KIAA2012: variants seen among roughly 807,000 people sequenced by gnomAD.
The protein encoded by KIAA2012 is uncharacterized protein KIAA2012.
In KIAA2012, 125 loss-of-function variants were observed where a neutral mutation model predicts 150.6. The ratio of observed to expected loss-of-function variants is 0.83; its 90% CI spans 0.72 to 0.96. The LOEUF (loss-of-function observed/expected upper bound fraction) is 0.96. Among genes scored for constraint, KIAA2012 ranks in the 40% least tolerant of loss-of-function variants. The pLI, the probability that KIAA2012 is intolerant of heterozygous loss-of-function variation, is 0.00. For synonymous variants in KIAA2012, 462 were observed against 504.7 expected (o/e 0.92, Z 1.13); for missense variants, 1,219 against 1,354.9 (o/e 0.90, Z 1.57).
At chr2:202,113,524 C>A in intron 11 of KIAA2012, 78 bp downstream of exon 11, 1 of 994,860 alleles carries the variant, frequency 1.0e-6, no homozygotes, top group Non-Finnish European at 1.5e-6. Context: ...TCCAAATTTT[C>A]CCAGCAGCAG....
Position 202,159,633 on chromosome 2 carries a change from T to C in KIAA2012, c.2046+4823T>C, listed in dbSNP as rs1000015992. ...AAGGCAGGTGGATCACCACCTCAGGTAGTTCGAGACCAGCCTGGCCAACAT... is the reference window on the plus strand; with the variant it reads ...AAGGCAGGTGGATCACCACCTCAGGCAGTTCGAGACCAGCCTGGCCAACAT... On this transcript the variant is annotated intron_variant, in intron 14 of 23. Coordinates refer to ENST00000498697, the MANE Select transcript of KIAA2012 (RefSeq NM_001277372.4). Among the ~76,000 whole-genome samples the C allele has an allele frequency of 2.0e-5, 3 of 152,066 alleles. No homozygotes were observed. The South Asian group carries it at 6.2e-4, about 31-fold the overall frequency.
At chr2:202,161,946 A>G (rs1274640586) in intron 14 of KIAA2012, among the ~76,000 whole-genome samples, 1 of 152,152 alleles carries the variant, frequency 6.6e-6, no homozygotes, top group Non-Finnish European at 1.5e-5. Context: ...AAGTATTATT[A>G]CCTGTTTCCA....
intron 5 of KIAA2012, among the ~76,000 whole-genome samples, chr2:202,099,394 G>C (rs769274441): frequency 4.6e-5 from 7 of 151,904 alleles, no homozygotes; most frequent in African/African-American, 1.7e-4. Flanking sequence ...TATATGTCAG[G>C]CATGGCTAAG....
At chr2:202,143,970 G>A (rs897564258) in intron 13 of KIAA2012, among the ~76,000 whole-genome samples, 1 of 152,210 alleles carries the variant, frequency 6.6e-6, no homozygotes, top group African/African-American at 2.4e-5. Context: ...GAGCCCACTT[G>A]TTTATAGAGC....
At chr2:202,128,266 T>C (rs78110536) in intron 12 of KIAA2012, among the ~76,000 whole-genome samples, 361 of 152,202 alleles carry the variant, frequency 2.4e-3, no homozygotes, top group African/African-American at 8.1e-3. Flanking sequence ...GCAAGCTTTT[T>C]TTCTTTTCTT....
rs554320201 is a variant in KIAA2012 at position 202,203,963 on chromosome 2, G to A, written c.*21-1035G>A. Reference sequence around the variant, plus strand: ...TTTTTATATTTTTAGTAGAGACGGGGTTTCACCATGTTAGCCAGGATGGTC... The same window carrying A: ...TTTTTATATTTTTAGTAGAGACGGGATTTCACCATGTTAGCCAGGATGGTC... On this transcript the variant is annotated intron_variant, in intron 23 of 23. Transcript: ENST00000498697. Among the ~76,000 whole-genome samples, 633 of 151,900 alleles carry A rather than the reference G, an allele frequency of 4.2e-3. 3 individuals carry two copies. Among genetic ancestry groups the A allele is most frequent in the Non-Finnish European group, 6.5e-3 (440 of 68,000 alleles).
At chr2:202,102,062 C>A (rs1690056096) in intron 7 of KIAA2012, among the ~76,000 whole-genome samples, 2 of 152,032 alleles carry the variant, frequency 1.3e-5, no homozygotes. Flanking sequence ...TTTCACAGAG[C>A]CAAGTTCATA....
At chr2:202,144,599 C>G (rs1388762713) in intron 13 of KIAA2012, among the ~76,000 whole-genome samples, 1 of 152,106 alleles carries the variant, frequency 6.6e-6, no homozygotes, top group Admixed American at 6.5e-5. Context: ...ATTTCAGTGT[C>G]CTTTTAAGCC....
intron 2 of KIAA2012, among the ~76,000 whole-genome samples, chr2:202,076,565 T>TC: frequency 6.6e-6 from 1 of 152,216 alleles, no homozygotes; most frequent in Non-Finnish European, 1.5e-5. Context: ...GCATTATAGC[T>TC]AAATATTATT....
At chr2:202,170,898 C>T (rs1691873194) in intron 15 of KIAA2012, among the ~76,000 whole-genome samples, 1 of 152,190 alleles carries the variant, frequency 6.6e-6, no homozygotes, top group Non-Finnish European at 1.5e-5. Context: ...TGTAAAGAAG[C>T]AGGCCTTGGT....
In KIAA2012 at chr2:202,194,461, G is replaced by C. The variant is rs138705880; in HGVS notation, c.3187+99G>C. 164 of 1,268,206 alleles carry C rather than the reference G, an allele frequency of 1.3e-4. No individual in the cohort carries two copies. The East Asian group carries it at 3.8e-3, about 29-fold the overall frequency. The allele number at this position is 1,268,206 out of a possible 1,614,324, so 78.6% of individuals were successfully genotyped here. ...TCATTTATTCCTATCCTAGGCCTTA[G>C]TGTGTTAAGCACTCTAAATAATATA... On this transcript the variant is annotated intron_variant, in intron 21 of 23. Transcript: ENST00000498697.
At chr2:202,117,578 G>T (rs1690557512) in intron 11 of KIAA2012, among the ~76,000 whole-genome samples, 1 of 152,182 alleles carries the variant, frequency 6.6e-6, no homozygotes, top group African/African-American at 2.4e-5. Context: ...CACCTGTACT[G>T]CCCAGGATTT....
At chr2:202,106,243 C>T (rs1216964360) in intron 9 of KIAA2012, among the ~76,000 whole-genome samples, 1 of 152,246 alleles carries the variant, frequency 6.6e-6, no homozygotes, top group Non-Finnish European at 1.5e-5. Context: ...TACTCCCTAA[C>T]TCATCCCACC....
At chr2:202,081,543 CTTT>C (rs71025274) in intron 2 of KIAA2012, among the ~76,000 whole-genome samples, 24 of 112,728 alleles carry the variant, frequency 2.1e-4, no homozygotes, top group Non-Finnish European at 2.6e-4. Flanking sequence ...TTTTTAAACA[CTTT>C]TTTTTTTTTT....
At chr2:202,140,561 G>A (rs1363153209) in intron 13 of KIAA2012, among the ~76,000 whole-genome samples, 1 of 152,152 alleles carries the variant, frequency 6.6e-6, no homozygotes, top group African/African-American at 2.4e-5. Flanking sequence ...GGAGGGAGGT[G>A]GGGGTGACTT....
In KIAA2012 at chr2:202,104,010, T is replaced by C. The variant is rs1175589558; in HGVS notation, c.1324+896T>C. On this transcript the variant is annotated intron_variant, in intron 8 of 23. Transcript: ENST00000498697. This position sits in a 1 kb window ranked among gnomAD's most constrained non-coding sequence, Gnocchi z 4.3. Reference sequence around the variant, plus strand: ...TTCAGCAGAGACTGCCACTGGCTTCTTGGAGAGTTTGACTCCTGGGAATCA... The same window carrying C: ...TTCAGCAGAGACTGCCACTGGCTTCCTGGAGAGTTTGACTCCTGGGAATCA... 2.0e-5 allele frequency among the ~76,000 whole-genome samples: 3 copies of C among 152,254 alleles called. No individual in the cohort carries two copies. The highest frequency in any genetic ancestry group is 2.9e-5 in the Non-Finnish European group (2 of 68,040).
Position 202,100,447 on chromosome 2 carries a change from AAGGTTGTGTGTATATGT to A in KIAA2012, c.1155_1155+16del. The A allele has an allele frequency of 6.5e-7, 1 of 1,550,154 alleles. No homozygotes were observed. The highest frequency in any genetic ancestry group is 1.2e-5 in the South Asian group (1 of 84,012). On this transcript the variant is annotated splice_donor_variant and splice_donor_5th_base_variant and coding_sequence_variant and intron_variant, in exon 7 of 24. Transcript: ENST00000498697. LOFTEE classifies it high-confidence loss of function. The stretch of plus-strand genomic sequence containing the variant: ...CACCCCTGGGGAAGTGAAGAAGAAA[AAGGTTGTGTGTATATGT>A]ATGTTTGTGCATACAGGAGAGAGAG...
Position 202,116,465 on chromosome 2 carries a change from CTTT to C in KIAA2012, c.1762+3041_1762+3043del, listed in dbSNP as rs746305557. ...TACAGGCACGAGCCACCATGCCCGG[CTTT>C]TTTTTTTTTTTTTTTTTTTTTGAGA... On this transcript the variant is annotated intron_variant, in intron 11 of 23. Coordinates refer to ENST00000498697, the MANE Select transcript of KIAA2012 (RefSeq NM_001277372.4). 1.4e-3 allele frequency: 80 copies of C among 58,000 alleles called. 1 individual carries two copies. The highest frequency in any genetic ancestry group is 0.016 in the Middle Eastern group (1 of 62). 3.6% of individuals were successfully genotyped at this position (58,000 alleles called of 1,614,324 possible).
chr2:202,202,931 G>GA (rs34202403), intron 23 of KIAA2012, among the ~76,000 whole-genome samples: 464 of 125,772 alleles, frequency 3.7e-3, no homozygotes, highest in Middle Eastern at 8.3e-3. Flanking sequence ...TGTCTCTTAA[G>GA]AAAAAAAAAA....
Sources: gnomAD v4.1 joint callset for allele counts (sites outside exome capture counted in the v4.1 genomes callset) on GRCh38, gnomAD v4.1.1 for gene constraint, Gnocchi (gnomAD v3.1) non-coding constraint, MANE v1.5 for transcripts, NCBI Gene and HGNC (gene_info 2026-07-23, HGNC 2026-07-21) for gene names.